Variants in FANCB observed in about 807,000 individuals in gnomAD.
FANCB encodes FA complementation group B, also known as Fanconi anemia group B protein.
In FANCB, 5 loss-of-function variants were observed where a neutral mutation model predicts 38.9. That is an observed-to-expected ratio of 0.13 (90% CI 0.07 to 0.27). The LOEUF is 0.27. Ranked by LOEUF, FANCB falls within the 10% of genes least tolerant of loss-of-function variation. The pLI is 1.00. For synonymous variants in FANCB, 236 were observed against 215.4 expected (o/e 1.10, Z -0.84); for missense variants, 573 against 602.7 (o/e 0.95, Z 0.52).
At chrX:14,751,539 T>C in the FANCB span, among the ~76,000 whole-genome samples, 1 of 111,829 alleles carries the variant, frequency 8.9e-6, no homozygotes, top group Non-Finnish European at 1.9e-5. Flanking sequence ...AATGTTCTCT[T>C]TTTGGATAGG....
In FANCB at chrX:14,849,839, T is replaced by C. The variant is rs778383722; in HGVS notation, c.1496+666A>G. Among the ~76,000 whole-genome samples, 9 of 111,821 alleles carry C rather than the reference T, an allele frequency of 8.0e-5. No homozygotes were observed. In the East Asian group the frequency reaches 1.7e-3, roughly 21 times the overall value. On this transcript the variant is annotated intron_variant, in intron 7 of 9. Coordinates refer to ENST00000650831, the MANE Select transcript of FANCB (RefSeq NM_001018113.3). The stretch of plus-strand genomic sequence containing the variant: ...TGCATTTGTGTAAAAGAGATACTTC[T>C]AGAGCTGTGCTGGCCAAGAGAGTAG...
the FANCB span, among the ~76,000 whole-genome samples, chrX:14,828,543 G>T: frequency 9.0e-6 from 1 of 111,627 alleles, no homozygotes; most frequent in Non-Finnish European, 1.9e-5. Flanking sequence ...ATCCATTCAA[G>T]GTTGATCATG....
At chrX:14,809,906 C>T in the FANCB span, among the ~76,000 whole-genome samples, 1 of 112,390 alleles carries the variant, frequency 8.9e-6, no homozygotes, top group Non-Finnish European at 1.9e-5. Flanking sequence ...CCCTGACCCC[C>T]AAGCAGCCTA....
At chrX:14,826,201 CTGTT>C in the FANCB span, among the ~76,000 whole-genome samples, 1 of 111,423 alleles carries the variant, frequency 9.0e-6, no homozygotes, top group East Asian at 2.8e-4. Context: ...AAGATGAAAA[CTGTT>C]TGTGCATTTA....
the FANCB span, among the ~76,000 whole-genome samples, chrX:14,782,402 G>A: frequency 6.3e-5 from 7 of 111,917 alleles, no homozygotes; most frequent in East Asian, 2.8e-4. Context: ...TTAGGACATC[G>A]TATCAACTAA....
chrX:14,792,226 C>T, the FANCB span, among the ~76,000 whole-genome samples: 3 of 111,644 alleles, frequency 2.7e-5, no homozygotes, highest in African/African-American at 9.8e-5. Context: ...TCATTTTGTA[C>T]TTTCCTTCCA....
the FANCB span, among the ~76,000 whole-genome samples, chrX:14,764,587 C>G: frequency 9.0e-6 from 1 of 111,209 alleles, no homozygotes; most frequent in African/African-American, 3.3e-5. Flanking sequence ...AGGCTCTGCC[C>G]ACATTCAAGG....
At chrX:14,727,238 G>A in the FANCB span, among the ~76,000 whole-genome samples, 1 of 111,448 alleles carries the variant, frequency 9.0e-6, no homozygotes. Context: ...AGGCATACAT[G>A]TATTTGTAAA....
chrX:14,812,890 G>A, the FANCB span, among the ~76,000 whole-genome samples: 1 of 106,951 alleles, frequency 9.4e-6, no homozygotes, highest in Non-Finnish European at 1.9e-5. Context: ...CAATATCCTT[G>A]ATGAACATTG....
the FANCB span, among the ~76,000 whole-genome samples, chrX:14,755,492 C>G: frequency 1.8e-5 from 2 of 111,710 alleles, no homozygotes; most frequent in African/African-American, 6.5e-5. Flanking sequence ...AGTAACATTT[C>G]TACGTACCAG....
At chrX:14,744,833 A>G in the FANCB span, among the ~76,000 whole-genome samples, 2 of 111,497 alleles carry the variant, frequency 1.8e-5, no homozygotes, top group African/African-American at 6.5e-5. Context: ...TCGGCAGACT[A>G]CAAAGTACCT....
the FANCB span, among the ~76,000 whole-genome samples, chrX:14,776,702 C>T: frequency 8.9e-6 from 1 of 112,349 alleles, no homozygotes; most frequent in African/African-American, 3.2e-5. Flanking sequence ...CTAAAATAAA[C>T]TTGGACAACC....
At chrX:14,824,669 C>T in the FANCB span, among the ~76,000 whole-genome samples, 11 of 112,078 alleles carry the variant, frequency 9.8e-5, no homozygotes, top group South Asian at 7.3e-4. Context: ...TGGCTTATCA[C>T]GTCATAATAC....
At chrX:14,770,846 A>G in the FANCB span, among the ~76,000 whole-genome samples, 1 of 111,756 alleles carries the variant, frequency 8.9e-6, no homozygotes, top group Admixed American at 9.5e-5. Context: ...GAATTCCCTA[A>G]ACATTTGCTT....
chrX:14,815,319 T>C, the FANCB span, among the ~76,000 whole-genome samples: 1 of 106,356 alleles, frequency 9.4e-6, no homozygotes, highest in Non-Finnish European at 1.9e-5. Flanking sequence ...TAAAGTATAA[T>C]TTAAAAAAAA....
At chrX:14,756,668 G>A in the FANCB span, among the ~76,000 whole-genome samples, 1 of 111,049 alleles carries the variant, frequency 9.0e-6, no homozygotes, top group African/African-American at 3.3e-5. Flanking sequence ...AAATATGAAG[G>A]GCTGAGAAGC....
chrX:14,788,639 C>T, the FANCB span, among the ~76,000 whole-genome samples: 1 of 112,342 alleles, frequency 8.9e-6, no homozygotes, highest in Non-Finnish European at 1.9e-5. Flanking sequence ...AAGCACAGTG[C>T]TGTCCATTCT....
At chrX:14,814,451 T>C in the FANCB span, among the ~76,000 whole-genome samples, 4 of 111,945 alleles carry the variant, frequency 3.6e-5, no homozygotes, top group Admixed American at 2.8e-4. Context: ...ATATCCAGAA[T>C]CTACAAAGAA....
chrX:14,833,670 G>A, downstream of FANCB, among the ~76,000 whole-genome samples: 1 of 41,684 alleles, frequency 2.4e-5, no homozygotes, highest in South Asian at 1.7e-3. Context: ...GGGGAGGCTG[G>A]GTGTGGGGGG....
Sources: allele counts gnomAD v4.1 joint callset (sites outside exome capture counted in the v4.1 genomes callset), GRCh38; gene constraint gnomAD v4.1.1; transcripts MANE v1.5; gene names NCBI Gene and HGNC (gene_info 2026-07-23, HGNC 2026-07-21).